The following PTER variants were observed in gnomAD, a reference collection of about 807,000 sequenced individuals.
PTER encodes the protein N-acetyltaurine hydrolase.
A neutral mutation model predicts 29.6 loss-of-function variants in PTER; 38 were observed. The ratio of observed to expected loss-of-function variants is 1.28; its 90% CI spans 0.99 to 1.68. The LOEUF (loss-of-function observed/expected upper bound fraction) is 1.68. PTER is among the 40% of genes most tolerant of loss of function. The pLI, the probability that PTER is intolerant of heterozygous loss-of-function variation, is 0.00. For synonymous variants in PTER, 172 were observed against 154.5 expected (o/e 1.11, Z -0.84); for missense variants, 482 against 427.8 (o/e 1.13, Z -1.12).
rs79595074 is a variant in PTER at position 16,482,017 on chromosome 10, C to T, written c.-48-2320C>T. Among the ~76,000 whole-genome samples, 724 of 152,286 alleles carry T rather than the reference C, an allele frequency of 4.8e-3. 7 individuals are homozygous for T. Among genetic ancestry groups the T allele is most frequent in the African/African-American group, 0.016 (667 of 41,560 alleles). The stretch of plus-strand genomic sequence containing the variant: ...TATTGCCCTGTATAGTGCCTGGCAG[C>T]TGTGTGGTGATTCTCTGAAGAGACA... On this transcript the variant is annotated intron_variant, in intron 1 of 4. Transcript: ENST00000535784.
In PTER at chr10:16,462,867, G is replaced by A. The variant is rs1331501832; in HGVS notation, c.-48-21470G>A. 7.3e-5 allele frequency among the ~76,000 whole-genome samples: 11 copies of A among 150,284 alleles called. No individual in the cohort carries two copies. The East Asian group carries it at 8.3e-4, about 11-fold the overall frequency. ...ATTACAGGCATGAGCCACCATGCCC[G>A]GCCACATAATCTACTCTTAACATTA... On this transcript the variant is annotated intron_variant, in intron 1 of 4. Transcript: ENST00000535784.
chr10:16,478,243 T>A (rs1328507649), intron 1 of PTER, among the ~76,000 whole-genome samples: 1 of 152,136 alleles, frequency 6.6e-6, no homozygotes, highest in Non-Finnish European at 1.5e-5. Flanking sequence ...TTGTCCCAAC[T>A]CTAGGATGTT....
chr10:16,506,045 A>G (rs1160557798), intron 4 of PTER, among the ~76,000 whole-genome samples: 2 of 152,136 alleles, frequency 1.3e-5, no homozygotes, highest in Non-Finnish European at 2.9e-5. Flanking sequence ...CATGAGAGAT[A>G]TATATTCTTA....
chr10:16,444,994 G>A (rs1833968179), intron 1 of PTER, among the ~76,000 whole-genome samples: 1 of 152,108 alleles, frequency 6.6e-6, no homozygotes, highest in South Asian at 2.1e-4. Flanking sequence ...AAGTGGAAAT[G>A]TATTATTGAA....
intron 3 of PTER, among the ~76,000 whole-genome samples, chr10:16,503,635 A>C (rs1249215497): frequency 2.0e-5 from 3 of 150,924 alleles, no homozygotes; most frequent in African/African-American, 7.3e-5. Context: ...TGAACTCCTG[A>C]CCTCAGGTGA....
chr10:16,507,814 T>C (rs34743968), intron 4 of PTER, among the ~76,000 whole-genome samples: 65,223 of 152,008 alleles, frequency 0.43, 15,072 homozygotes, highest in East Asian at 0.65. Context: ...AGTAGATGTA[T>C]TGTTTCTTTG....
At chr10:16,487,132 A>G (rs1233587381) in intron 3 of PTER, among the ~76,000 whole-genome samples, 3 of 152,234 alleles carry the variant, frequency 2.0e-5, no homozygotes, top group Admixed American at 6.5e-5. Flanking sequence ...ATAAAAAATA[A>G]TAGTAATAAG....
intron 1 of PTER, among the ~76,000 whole-genome samples, chr10:16,456,543 C>T (rs1421220188): frequency 2.0e-5 from 3 of 152,156 alleles, no homozygotes; most frequent in Non-Finnish European, 4.4e-5. Flanking sequence ...ATAGGAGTTT[C>T]CTTTTTTTCT....
At chr10:16,496,149 C>T (rs572190637) in intron 3 of PTER, among the ~76,000 whole-genome samples, 1 of 152,322 alleles carries the variant, frequency 6.6e-6, no homozygotes, top group East Asian at 1.9e-4. Context: ...TCTCTGAATT[C>T]AGCCCCTCAT....
chr10:16,450,234 G>A (rs1342742683), intron 1 of PTER, among the ~76,000 whole-genome samples: 2 of 152,138 alleles, frequency 1.3e-5, no homozygotes, highest in African/African-American at 2.4e-5. Context: ...AGAAGCAAAC[G>A]GGTATTGGGA....
chr10:16,495,359 G>A (rs1836056355), intron 3 of PTER, among the ~76,000 whole-genome samples: 1 of 152,038 alleles, frequency 6.6e-6, no homozygotes, highest in Non-Finnish European at 1.5e-5. Flanking sequence ...TAGTAGAGAC[G>A]AGGTTTTGCC....
At chr10:16,508,120 G>A (rs1352742127) in intron 4 of PTER, among the ~76,000 whole-genome samples, 2 of 143,956 alleles carry the variant, frequency 1.4e-5, no homozygotes, top group Non-Finnish European at 3.0e-5. Flanking sequence ...CCAGGCAGGA[G>A]CGCAGTGGCG....
chr10:16,467,274 C>G (rs967126014), intron 1 of PTER, among the ~76,000 whole-genome samples: 5 of 152,114 alleles, frequency 3.3e-5, no homozygotes, highest in African/African-American at 1.2e-4. Flanking sequence ...TGTTGCTAAT[C>G]TTTTACTGTG....
intron 2 of PTER, 68 bp downstream of exon 2, chr10:16,484,884 C>T: frequency 6.7e-7 from 1 of 1,485,524 alleles, no homozygotes; most frequent in East Asian, 2.3e-5. Flanking sequence ...TTGGAAATGC[C>T]CTGGGTTCAG....
chr10:16,447,055 C>T (rs908618302), intron 1 of PTER, among the ~76,000 whole-genome samples: 23 of 151,282 alleles, frequency 1.5e-4, no homozygotes, highest in Non-Finnish European at 2.9e-4. Context: ...TCCCAAAGTG[C>T]TGGAATTACA....
downstream of PTER, chr10:16,514,527 A>G: frequency 6.2e-7 from 1 of 1,612,296 alleles, no homozygotes; most frequent in South Asian, 1.1e-5. Flanking sequence ...TTTCTGCATT[A>G]TCAGTCAGCA....
rs770512525 is a variant in PTER, at chr10:16,511,130, T to C, written c.924T>C (p.Tyr308=). Residue 308 remains tyrosine (Y), a synonymous_variant, in exon 5 of 5, where the codon TAT becomes TAC. Coordinates refer to ENST00000535784, the MANE Select transcript of PTER (RefSeq NM_001261836.2). ...ATACGAAAACCCGGCTGATGAAATA[T>C]GGAGGTCACGGCTATTCTCATATAC... ...DIHTKTRLMK[Y]GGHGYSHILT... 15 of 1,614,024 alleles carry C rather than the reference T, an allele frequency of 9.3e-6. No homozygotes were observed. The highest frequency in any genetic ancestry group is 1.6e-4 in the Middle Eastern group (1 of 6,084).
At chr10:16,507,596 C>T (rs543740238) in intron 4 of PTER, among the ~76,000 whole-genome samples, 1 of 152,314 alleles carries the variant, frequency 6.6e-6, no homozygotes, top group East Asian at 1.9e-4. Context: ...GTCTGTATGC[C>T]TTCTGCTGTC....
At chr10:16,456,868 G>GGGA (rs1834419863) in intron 1 of PTER, among the ~76,000 whole-genome samples, 1 of 146,028 alleles carries the variant, frequency 6.8e-6, no homozygotes, top group Non-Finnish European at 1.5e-5. Context: ...AAGGTGGGGG[G>GGGA]GGGTTCCGCC....
Sources: gnomAD v4.1 joint callset for allele counts (sites outside exome capture counted in the v4.1 genomes callset) on GRCh38, gnomAD v4.1.1 for gene constraint, MANE v1.5 for transcripts, NCBI Gene and HGNC (gene_info 2026-07-23, HGNC 2026-07-21) for gene names.